Variants in ANKRD45 observed in about 807,000 individuals in gnomAD.
ANKRD45 encodes the protein ankyrin repeat domain 45.
Under a neutral mutation model 28.1 loss-of-function variants are expected in ANKRD45, and 21 were observed. That is an observed-to-expected ratio of 0.75 (90% CI 0.53 to 1.08). The LOEUF (loss-of-function observed/expected upper bound fraction) is 1.08. ANKRD45 is among the 50% of genes least tolerant of loss of function. The probability of loss-of-function intolerance (pLI) is 0.00; values close to 1 mark genes in which losing one functional copy is unlikely to be tolerated. For missense variants in ANKRD45, 261 were observed against 308.7 expected, an observed-to-expected ratio of 0.85 and a Z score of 1.16; for synonymous variants, 86 against 103.9, an observed-to-expected ratio of 0.83 and a Z score of 1.05.
intron 3 of ANKRD45, among the ~76,000 whole-genome samples, chr1:173,630,873 A>G (rs555941145): frequency 6.6e-6 from 1 of 150,958 alleles, no homozygotes; most frequent in South Asian, 2.1e-4. Flanking sequence ...AATAAAAAGC[A>G]AGAAACTAAA....
intron 1 of ANKRD45, among the ~76,000 whole-genome samples, chr1:173,661,863 A>G (rs534320706): frequency 2.8e-4 from 42 of 152,340 alleles, no homozygotes; most frequent in Admixed American, 1.4e-3. Flanking sequence ...TTAGATTGTT[A>G]TAAGTGTTTC....
At chr1:173,703,659 C>G in the ANKRD45 span, among the ~76,000 whole-genome samples, 1 of 152,170 alleles carries the variant, frequency 6.6e-6, no homozygotes. Context: ...TCCACACAAA[C>G]GTAGGTTTCC....
chr1:173,669,398 C>CAA (rs58611776), intron 1 of ANKRD45: 301 of 391,552 alleles, frequency 7.7e-4, no homozygotes, highest in South Asian at 1.1e-3. Context: ...TTTTTTTCTT[C>CAA]AAAAAAAAAA....
Position 173,609,906 on chromosome 1 carries a change from T to C in ANKRD45, c.*239A>G, listed in dbSNP as rs1332877090. The C allele has an allele frequency of 1.2e-5, 6 of 491,614 alleles. No homozygotes were observed. The highest frequency in any genetic ancestry group is 5.3e-4 in the Middle Eastern group (1 of 1,870). 30.5% of individuals were successfully genotyped at this position (491,614 alleles called of 1,614,324 possible). A position where few individuals can be genotyped will look rare whatever the true frequency, so the allele number is the denominator to read the frequency against. ...CCACATGGTCTTCACGAATGATTTA[T>C]ACCCAAGTGCTTTCCTGAAGGAGCA... On this transcript the variant is annotated 3_prime_UTR_variant, in exon 6 of 6. Coordinates refer to ENST00000333279, the MANE Select transcript of ANKRD45 (RefSeq NM_198493.3).
At chr1:173,705,411 C>T in the ANKRD45 span, among the ~76,000 whole-genome samples, 8 of 151,362 alleles carry the variant, frequency 5.3e-5, no homozygotes, top group Non-Finnish European at 4.4e-5. Context: ...TACCTGCAAT[C>T]CCAGCACTTT....
At position 173,622,543 on chromosome 1, in the gene ANKRD45, A is replaced by G. The variant is rs549506150; in HGVS notation, c.730+2244T>C. 3.9e-4 allele frequency among the ~76,000 whole-genome samples: 60 copies of G among 152,296 alleles called. No individual in the cohort carries two copies. In the South Asian group the frequency reaches 0.012, roughly 31 times the overall value. ...CTGATCTTCAACAAACCTCACAAAA[A>G]CAAGTAATGGAGAAAGGATTCCCTA... On this transcript the variant is annotated intron_variant, in intron 5 of 5. Transcript: ENST00000333279.
At chr1:173,656,324 C>T (rs1669509279) in intron 2 of ANKRD45, among the ~76,000 whole-genome samples, 2 of 152,112 alleles carry the variant, frequency 1.3e-5, no homozygotes, top group African/African-American at 2.4e-5. Flanking sequence ...TTATTTGTAT[C>T]ACATTTTCTT....
At chr1:173,622,801 A>G (rs1667762108) in intron 5 of ANKRD45, among the ~76,000 whole-genome samples, 1 of 152,204 alleles carries the variant, frequency 6.6e-6, no homozygotes, top group Non-Finnish European at 1.5e-5. Flanking sequence ...GGAAAAATTG[A>G]CAAATAGGAT....
chr1:173,686,773 T>G, the ANKRD45 span, among the ~76,000 whole-genome samples: 1 of 152,214 alleles, frequency 6.6e-6, no homozygotes, highest in African/African-American at 2.4e-5. Context: ...AAATGCCATT[T>G]TATATTTGAC....
chr1:173,665,317 A>G (rs1669960707), intron 1 of ANKRD45, among the ~76,000 whole-genome samples: 1 of 152,172 alleles, frequency 6.6e-6, no homozygotes, highest in Admixed American at 6.5e-5. Context: ...CTAGGACTAT[A>G]GGCCCATGCC....
intron 1 of ANKRD45, among the ~76,000 whole-genome samples, chr1:173,664,875 A>G (rs1049678995): frequency 2.0e-5 from 3 of 152,162 alleles, no homozygotes; most frequent in Non-Finnish European, 2.9e-5. Flanking sequence ...AGCCAAGAGC[A>G]ATGGGTTTTG....
chr1:173,617,361 C>T (rs2102315141), intron 5 of ANKRD45, among the ~76,000 whole-genome samples: 1 of 152,346 alleles, frequency 6.6e-6, no homozygotes, highest in South Asian at 2.1e-4. Context: ...TGGAGACTGC[C>T]TGAGATGGAT....
the ANKRD45 span, among the ~76,000 whole-genome samples, chr1:173,699,700 G>T: frequency 1.3e-5 from 2 of 152,040 alleles, no homozygotes; most frequent in East Asian, 3.9e-4. Flanking sequence ...TATGACAAAC[G>T]CACAGCCAAT....
At chr1:173,649,790 C>T (rs1669100896) in intron 2 of ANKRD45, among the ~76,000 whole-genome samples, 1 of 152,114 alleles carries the variant, frequency 6.6e-6, no homozygotes, top group Admixed American at 6.5e-5. Flanking sequence ...GTCTTACAAT[C>T]ATCTGTAATT....
chr1:173,707,869 C>A, the ANKRD45 span, among the ~76,000 whole-genome samples: 3 of 152,088 alleles, frequency 2.0e-5, no homozygotes, highest in Non-Finnish European at 4.4e-5. Context: ...GAAATAAATC[C>A]AATTTCTTAC....
chr1:173,676,521 G>A, the ANKRD45 span, among the ~76,000 whole-genome samples: 19 of 151,988 alleles, frequency 1.3e-4, no homozygotes, highest in Admixed American at 9.8e-4. Flanking sequence ...CTCTTCATGA[G>A]TCCTGAAAGT....
At chr1:173,690,084 C>G in the ANKRD45 span, among the ~76,000 whole-genome samples, 1 of 144,642 alleles carries the variant, frequency 6.9e-6, no homozygotes. Flanking sequence ...CCCGACCTCC[C>G]TTGTGGTACC....
At chr1:173,638,095 A>AGT (rs57442264) in intron 3 of ANKRD45, among the ~76,000 whole-genome samples, 31,342 of 149,152 alleles carry the variant, frequency 0.21, 8,240 homozygotes, top group African/African-American at 0.62. Flanking sequence ...TTGGAGGCTG[A>AGT]GTGTGTGTGT....
chr1:173,687,493 A>T, the ANKRD45 span, among the ~76,000 whole-genome samples: 14 of 120,218 alleles, frequency 1.2e-4, no homozygotes, highest in African/African-American at 4.3e-4. Flanking sequence ...GAAGATAACT[A>T]TTCTTTTCCA....
Sources: allele counts gnomAD v4.1 joint callset (sites outside exome capture counted in the v4.1 genomes callset), GRCh38; gene constraint gnomAD v4.1.1; transcripts MANE v1.5; gene names NCBI Gene and HGNC (gene_info 2026-07-23, HGNC 2026-07-21).